Variants in ASIP observed in about 807,000 individuals in gnomAD.
ASIP encodes agouti-signaling protein.
ASIP carries 11 observed loss-of-function variants against 10.3 expected under a neutral mutation model. That is an observed-to-expected ratio of 1.07 (90% confidence interval 0.68 to 1.78). ASIP has a LOEUF of 1.78. Ranked by LOEUF, ASIP falls within the 40% of genes most tolerant of loss-of-function variation. The pLI, the probability that ASIP is intolerant of heterozygous loss-of-function variation, is 0.00. For missense variants in ASIP, 180 were observed against 169.2 expected (o/e 1.06, Z -0.35); for synonymous variants, 70 against 70.8 (o/e 0.99, Z 0.06).
chr20:34,235,888 A>AG lies in ASIP; in HGVS notation c.-10-24475dup, dbSNP rs1568756385. Among the ~76,000 whole-genome samples, 69 of 94,402 alleles carry AG rather than the reference A, an allele frequency of 7.3e-4. 8 individuals are homozygous for AG. The highest frequency in any genetic ancestry group is 5.3e-3 in the African/African-American group (66 of 12,362). 61.9% of individuals were successfully genotyped at this position (94,402 alleles called of 152,430 possible). On this transcript the variant is annotated intron_variant, in intron 1 of 3. Coordinates refer to the ASIP transcript ENST00000568305. Reference sequence around the variant, plus strand: ...AGGAAAGGAAGGAAGGAAGGAAGGAAGGAAGGAAGGAAAGGAAGGAAGGAA... The same window carrying AG: ...AGGAAAGGAAGGAAGGAAGGAAGGAAGGGAAGGAAGGAAAGGAAGGAAGGAA...
chr20:34,264,043 T>G (rs2035743163), intron 3 of ASIP, among the ~76,000 whole-genome samples: 1 of 152,100 alleles, frequency 6.6e-6, no homozygotes, highest in African/African-American at 2.4e-5. Context: ...TACCTAGAAA[T>G]ATTTAAAAAA....
intron 1 of ASIP, among the ~76,000 whole-genome samples, chr20:34,244,952 T>A (rs1323082107): frequency 6.6e-6 from 1 of 152,174 alleles, no homozygotes; most frequent in East Asian, 1.9e-4. Flanking sequence ...AAATTATTTT[T>A]AAAAATCACT....
intron 1 of ASIP, among the ~76,000 whole-genome samples, chr20:34,195,191 G>T (rs2034847249): frequency 6.6e-6 from 1 of 151,580 alleles, no homozygotes; most frequent in Admixed American, 6.6e-5. Flanking sequence ...GAGCCCTACT[G>T]AGCTGTAGGA....
intron 2 of ASIP, 32 bp downstream of exon 2, chr20:34,260,566 G>C (rs1346134871): frequency 1.3e-6 from 2 of 1,574,036 alleles, no homozygotes; most frequent in Non-Finnish European, 1.7e-6. Context: ...CTCTGGCCCA[G>C]GAGAGGGGCT....
chr20:34,245,892 C>G (rs1367319242), intron 1 of ASIP: 5 of 1,334,454 alleles, frequency 3.7e-6, no homozygotes, highest in East Asian at 2.9e-5. Flanking sequence ...ATAAAGGCCT[C>G]TCTCCCTTTG....
intron 1 of ASIP, among the ~76,000 whole-genome samples, chr20:34,195,440 T>C (rs1051705015): frequency 1.3e-5 from 2 of 152,130 alleles, no homozygotes; most frequent in African/African-American, 4.8e-5. Flanking sequence ...TGCATCTGTG[T>C]CTCCTCTCCT....
At chr20:34,211,108 C>T (rs897224045) in intron 1 of ASIP, among the ~76,000 whole-genome samples, 1 of 152,174 alleles carries the variant, frequency 6.6e-6, no homozygotes, top group African/African-American at 2.4e-5. Flanking sequence ...TAGCTCACTG[C>T]AACCTTGAAC....
rs376120446 is a variant in ASIP at position 34,211,337 on chromosome 20, A to T, written c.-11+16577A>T. 9.2e-5 allele frequency among the ~76,000 whole-genome samples: 14 copies of T among 152,362 alleles called. 1 individual carries two copies. The East Asian group carries it at 2.5e-3, about 27-fold the overall frequency. ...TTCGGCCTCCCAAAGTGCCAGAATT[A>T]TAGGCATGAGCCACCGTGCCCGGCC... On this transcript the variant is annotated intron_variant, in intron 1 of 3. Coordinates refer to the ASIP transcript ENST00000568305.
intron 1 of ASIP, among the ~76,000 whole-genome samples, chr20:34,198,228 T>A (rs943471630): frequency 6.6e-6 from 1 of 152,036 alleles, no homozygotes; most frequent in Admixed American, 6.6e-5. Flanking sequence ...TAGCTGGGAC[T>A]ACAGCTACAT....
At chr20:34,242,772 TCCCTCC>T (rs2035304118) in intron 1 of ASIP, among the ~76,000 whole-genome samples, 1 of 152,228 alleles carries the variant, frequency 6.6e-6, no homozygotes, top group Non-Finnish European at 1.5e-5. Context: ...CAAAGCCTCT[TCCCTCC>T]TTCTGCTGTA....
chr20:34,245,266 G>A (rs1390769733), intron 1 of ASIP, among the ~76,000 whole-genome samples: 16 of 149,414 alleles, frequency 1.1e-4, no homozygotes, highest in Non-Finnish European at 1.9e-4. Flanking sequence ...CCTGGGAGGC[G>A]GAGGTGGCAG....
chr20:34,213,385 G>A, intron 1 of ASIP: 1 of 616,376 alleles, frequency 1.6e-6, no homozygotes, highest in East Asian at 2.7e-5. Flanking sequence ...GTTAATGCCA[G>A]AGAGTGGAGT....
intron 1 of ASIP, among the ~76,000 whole-genome samples, chr20:34,232,993 C>A (rs1010053348): frequency 6.6e-6 from 1 of 152,104 alleles, no homozygotes; most frequent in African/African-American, 2.4e-5. Context: ...ACGTGTTCTC[C>A]CTCCAGGTAC....
In ASIP at chr20:34,269,243, G is replaced by C; in HGVS notation, c.*76G>C. 7.0e-7 allele frequency: 1 copy of C among 1,422,700 alleles called. No individual in the cohort carries two copies. Among genetic ancestry groups the C allele is most frequent in the Non-Finnish European group, 9.1e-7 (1 of 1,093,950 alleles). 88.1% of individuals were successfully genotyped at this position (1,422,700 alleles called of 1,614,324 possible). On this transcript the variant is annotated 3_prime_UTR_variant, in exon 4 of 4. Coordinates refer to ENST00000374954, the MANE Select transcript of ASIP (RefSeq NM_001672.3). ...CTTCTCGGGCGGGTGATCCCTAACA[G>C]GGCGGCTTCCCAGGGCTGCAGGCGG... is the stretch of plus-strand genomic sequence containing the variant.
At chr20:34,198,511 G>C (rs1396513548) in intron 1 of ASIP, among the ~76,000 whole-genome samples, 2 of 151,874 alleles carry the variant, frequency 1.3e-5, no homozygotes, top group Non-Finnish European at 2.9e-5. Flanking sequence ...TTCAGAGACA[G>C]GATCTCCCTC....
In ASIP at chr20:34,262,770, C is replaced by T. The variant is rs2035716681; in HGVS notation, c.161-62C>T. 11 of 1,595,642 alleles carry T rather than the reference C, an allele frequency of 6.9e-6. No individual in the cohort carries two copies. The South Asian group carries it at 8.8e-5, about 13-fold the overall frequency. ...TCCCAAGCCCCCTCTGCCCCTCTCACTTCACTGCAGCTCAACGTCCCCAGA... is the reference window on the plus strand; with the variant it reads ...TCCCAAGCCCCCTCTGCCCCTCTCATTTCACTGCAGCTCAACGTCCCCAGA... On this transcript the variant is annotated intron_variant, in intron 2 of 3. Transcript: ENST00000374954.
At chr20:34,249,347 G>A (rs1331181111) in intron 1 of ASIP, among the ~76,000 whole-genome samples, 1 of 141,826 alleles carries the variant, frequency 7.1e-6, no homozygotes, top group Non-Finnish European at 1.5e-5. Context: ...TGAGATATCC[G>A]ATGCCCAGAG....
intron 1 of ASIP, among the ~76,000 whole-genome samples, chr20:34,196,173 CTT>C (rs34524786): frequency 8.4e-5 from 7 of 83,686 alleles, no homozygotes; most frequent in Non-Finnish European, 1.3e-4. Context: ...AGGGAGATTT[CTT>C]TTTTTTTTTT....
intron 1 of ASIP, among the ~76,000 whole-genome samples, chr20:34,244,403 C>A (rs113460499): frequency 9.9e-5 from 15 of 152,088 alleles, no homozygotes; most frequent in African/African-American, 3.6e-4. Context: ...GAATAAGAAC[C>A]TCTAGCCTCT....
Sources: allele counts gnomAD v4.1 joint callset (sites outside exome capture counted in the v4.1 genomes callset), GRCh38; gene constraint gnomAD v4.1.1; transcripts MANE v1.5; gene names NCBI Gene and HGNC (gene_info 2026-07-23, HGNC 2026-07-21).